CUX1: variants seen among roughly 807,000 people sequenced by gnomAD.
CUX1 encodes the protein protein CASP.
A neutral mutation model predicts 158.8 loss-of-function variants in CUX1; 31 were observed. The ratio of observed to expected loss-of-function variants is 0.20; its 90% CI spans 0.15 to 0.26. The LOEUF is 0.26. CUX1 is among the 10% of genes least tolerant of loss of function. The pLI is 1.00. For synonymous variants in CUX1, 879 were observed against 862.1 expected (o/e 1.02, Z -0.34); for missense variants, 1,589 against 2,014.6 (o/e 0.79, Z 4.04).
chr7:101,877,972 A>G (rs1799331712), intron 1 of CUX1, among the ~76,000 whole-genome samples: 1 of 152,198 alleles, frequency 6.6e-6, no homozygotes, highest in South Asian at 2.1e-4. Flanking sequence ...ACTCATTCCT[A>G]TAGGGAGAGG....
At position 102,249,433 on chromosome 7, in the gene CUX1, TCAAGGAAGAAAA is replaced by T; in HGVS notation, c.*393_*404del. ...ATTAAGCCCAATCTATGTCGTGTTT[TCAAGGAAGAAAA>T]CGGAAATGTGTGGTCGAGCTTTTTT... On this transcript the variant is annotated 3_prime_UTR_variant, in exon 24 of 24. Coordinates refer to ENST00000292535, the MANE Select transcript of CUX1 (RefSeq NM_181552.4). 1 of 986,552 alleles carries T rather than the reference TCAAGGAAGAAAA, an allele frequency of 1.0e-6. No homozygotes were observed. Among genetic ancestry groups the T allele is most frequent in the East Asian group, 1.1e-4 (1 of 8,868 alleles). The allele number at this position is 986,552 out of a possible 1,614,324, so 61.1% of individuals were successfully genotyped here.
intron 2 of CUX1, among the ~76,000 whole-genome samples, chr7:101,944,040 G>C (rs1380938846): frequency 6.6e-6 from 1 of 151,920 alleles, no homozygotes; most frequent in East Asian, 1.9e-4. Flanking sequence ...CTGTGACTCG[G>C]GAAAGAAAAC....
intron 4 of CUX1, among the ~76,000 whole-genome samples, chr7:102,089,727 G>T (rs1467138799): frequency 6.6e-6 from 1 of 152,172 alleles, no homozygotes; most frequent in Non-Finnish European, 1.5e-5. Context: ...GCAAAAGATC[G>T]CCTCTCTGCA....
chr7:102,214,408 C>T (rs1229636903), intron 20 of CUX1, among the ~76,000 whole-genome samples: 2 of 152,164 alleles, frequency 1.3e-5, no homozygotes, highest in African/African-American at 4.8e-5. Context: ...CCTGTAGTCC[C>T]AGCTACTCAG....
intron 1 of CUX1, among the ~76,000 whole-genome samples, chr7:101,910,367 A>G (rs1803279143): frequency 6.6e-6 from 1 of 152,042 alleles, no homozygotes; most frequent in Non-Finnish European, 1.5e-5. Context: ...GCTGGTCTCA[A>G]ACTCCTGGGC....
At chr7:102,139,291 A>G (rs1298661833) in intron 8 of CUX1, among the ~76,000 whole-genome samples, 3 of 150,158 alleles carry the variant, frequency 2.0e-5, no homozygotes, top group African/African-American at 7.4e-5. Flanking sequence ...CTCGACACCC[A>G]GGGTCCTTCT....
At chr7:101,926,160 C>G (rs570346082) in intron 2 of CUX1, among the ~76,000 whole-genome samples, 44 of 152,108 alleles carry the variant, frequency 2.9e-4, no homozygotes, top group African/African-American at 1.0e-3. Context: ...ATGAGAAAAC[C>G]CCAGTAATCA....
At chr7:101,942,144 CTCG>C (rs1807794947) in intron 2 of CUX1, among the ~76,000 whole-genome samples, 1 of 152,094 alleles carries the variant, frequency 6.6e-6, no homozygotes, top group Non-Finnish European at 1.5e-5. Context: ...GCAGGTTTAG[CTCG>C]AGGGTTGGAG....
intron 17 of CUX1, chr7:102,277,915 T>TCCCCCCCCCCAATGCATGTCCCCCCC: frequency 8.5e-7 from 1 of 1,171,436 alleles, no homozygotes; most frequent in Non-Finnish European, 1.2e-6. Flanking sequence ...CGGAGGCCTC[T>TCCCCCCCCCCAATGCATGTCCCCCCC]CCCCCACCCC....
intron 14 of CUX1, among the ~76,000 whole-genome samples, chr7:102,263,805 G>A (rs1280756764): frequency 1.3e-5 from 2 of 151,806 alleles, no homozygotes; most frequent in East Asian, 3.9e-4. Context: ...CGATTCTCCT[G>A]CCCCAGCCTT....
chr7:102,266,908 C>T (rs1052063587), intron 14 of CUX1, among the ~76,000 whole-genome samples: 4 of 152,122 alleles, frequency 2.6e-5, no homozygotes, highest in African/African-American at 9.7e-5. Flanking sequence ...GGAGTTTTGC[C>T]AGAGTGGGGT....
rs782496763 is a variant in CUX1 at position 102,248,852 on chromosome 7, A to ACAGCAG, written c.4339_4344dup (p.Ser1447_Ser1448dup). 2.9e-5 allele frequency: 36 copies of ACAGCAG among 1,246,592 alleles called. No homozygotes were observed. Among genetic ancestry groups the ACAGCAG allele is most frequent in the South Asian group, 2.0e-4 (10 of 49,014 alleles). 77.2% of individuals were successfully genotyped at this position (1,246,592 alleles called of 1,614,324 possible). ...CCGAGCTCCGCGCCGCCGCCCAGCA[A>ACAGCAG]CAGCAGCAGCAGCAGCGCCCCCCGC... On this transcript the variant is annotated inframe_insertion, in exon 24 of 24. Transcript: ENST00000292535. The surrounding 1 kb of genome is among the most constrained non-coding windows in gnomAD (Gnocchi z 5.8).
chr7:102,045,297 G>T (rs2129884065), intron 3 of CUX1, among the ~76,000 whole-genome samples: 1 of 152,366 alleles, frequency 6.6e-6, no homozygotes, highest in South Asian at 2.1e-4. Flanking sequence ...TTCAATTTCA[G>T]TCAGATATGT....
intron 20 of CUX1, among the ~76,000 whole-genome samples, chr7:102,211,078 G>A (rs868926143): frequency 6.6e-5 from 10 of 152,122 alleles, no homozygotes; most frequent in African/African-American, 2.4e-4. Context: ...AGTCAGTGTC[G>A]GGGGCATGTG....
chr7:102,098,789 C>T (rs569953175), intron 5 of CUX1, among the ~76,000 whole-genome samples: 6 of 148,024 alleles, frequency 4.1e-5, no homozygotes, highest in East Asian at 2.0e-4. Context: ...TACAGGAGCC[C>T]GCCACCACGC....
intron 3 of CUX1, among the ~76,000 whole-genome samples, chr7:102,068,439 C>A (rs1825786627): frequency 2.8e-5 from 1 of 35,166 alleles, no homozygotes; most frequent in South Asian, 9.7e-4. Context: ...CTTATCTTAT[C>A]GGGTTGAGGG....
chr7:102,142,212 A>G (rs1025951150), intron 8 of CUX1, among the ~76,000 whole-genome samples: 1 of 152,110 alleles, frequency 6.6e-6, no homozygotes, highest in Non-Finnish European at 1.5e-5. Context: ...GTCTTGTCCA[A>G]AATATGATTT....
chr7:102,239,266 T>C, intron 22 of CUX1, 54 bp from the exon 23 acceptor site: 1 of 1,551,248 alleles, frequency 6.4e-7, no homozygotes, highest in East Asian at 2.3e-5. Context: ...ACTGGGGATT[T>C]GGGCTGCTGT....
chr7:101,942,497 C>T lies in CUX1; in HGVS notation c.141+26272C>T, dbSNP rs373364338. Among the ~76,000 whole-genome samples, 11 of 152,356 alleles carry T rather than the reference C, an allele frequency of 7.2e-5. No homozygotes were observed. In the East Asian group the frequency reaches 2.1e-3, roughly 29 times the overall value. On this transcript the variant is annotated intron_variant, in intron 2 of 23. Transcript: ENST00000292535. ...GTTGATTTTGAGACAGGGTCTTTCTCTGTCGCCCAGGCTGGAGTGCAGTGG... is the reference window on the plus strand; with the variant it reads ...GTTGATTTTGAGACAGGGTCTTTCTTTGTCGCCCAGGCTGGAGTGCAGTGG...
Sources: allele counts gnomAD v4.1 joint callset (sites outside exome capture counted in the v4.1 genomes callset), GRCh38; gene constraint gnomAD v4.1.1; non-coding constraint Gnocchi (gnomAD v3.1); transcripts MANE v1.5; gene names NCBI Gene and HGNC (gene_info 2026-07-23, HGNC 2026-07-21).